GRB10: variants seen among roughly 807,000 people sequenced by gnomAD.
The protein encoded by GRB10 is growth factor receptor bound protein 10, also known as growth factor receptor-bound protein 10.
GRB10 carries 20 observed loss-of-function variants against 80.9 expected under a neutral mutation model. The ratio of observed to expected loss-of-function variants is 0.25; its 90% CI spans 0.17 to 0.36. The LOEUF is 0.36. Ranked by LOEUF, GRB10 falls within the 10% of genes least tolerant of loss-of-function variation. The pLI, the probability that GRB10 is intolerant of heterozygous loss-of-function variation, is 1.00. For missense variants in GRB10, 548 were observed against 747.7 expected, an observed-to-expected ratio of 0.73 and a Z score of 3.12; for synonymous variants, 291 against 291.5, an observed-to-expected ratio of 1.00 and a Z score of 0.02.
chr7:50,748,026 G>C (rs546714551), intron 3 of GRB10, among the ~76,000 whole-genome samples: 1 of 152,308 alleles, frequency 6.6e-6, no homozygotes, highest in South Asian at 2.1e-4. Context: ...AATTCTAGAA[G>C]GCAGGACGCA....
intron 7 of GRB10, among the ~76,000 whole-genome samples, chr7:50,661,026 T>C (rs1180872976): frequency 6.6e-6 from 1 of 151,982 alleles, no homozygotes; most frequent in Non-Finnish European, 1.5e-5. Flanking sequence ...TGCCAGCGGG[T>C]GGAAGGGGCT....
At chr7:50,791,513 G>A (rs2078913612) in intron 1 of GRB10, among the ~76,000 whole-genome samples, 1 of 152,194 alleles carries the variant, frequency 6.6e-6, no homozygotes, top group East Asian at 1.9e-4. Flanking sequence ...ATGACCTCGG[G>A]CATGCCAATT....
At chr7:50,713,895 T>G (rs939385285) in intron 4 of GRB10, among the ~76,000 whole-genome samples, 1 of 150,886 alleles carries the variant, frequency 6.6e-6, no homozygotes, top group Non-Finnish European at 1.5e-5. Context: ...CCTCCTCCAC[T>G]ACCTACCCCT....
At chr7:50,722,141 C>T (rs2153685610) in intron 4 of GRB10, among the ~76,000 whole-genome samples, 1 of 152,268 alleles carries the variant, frequency 6.6e-6, no homozygotes, top group Admixed American at 6.5e-5. Context: ...CCCAGTAGCT[C>T]CCAGCTTCCC....
chr7:50,743,629 T>C (rs867202188), intron 3 of GRB10, among the ~76,000 whole-genome samples: 59 of 152,200 alleles, frequency 3.9e-4, no homozygotes, highest in African/African-American at 1.4e-3. Flanking sequence ...TAATTTGAGA[T>C]ATGCTCTCCG....
intron 4 of GRB10, among the ~76,000 whole-genome samples, chr7:50,720,309 T>C (rs1484276771): frequency 6.6e-6 from 1 of 152,244 alleles, no homozygotes; most frequent in African/African-American, 2.4e-5. Context: ...AATGTACCAG[T>C]AGCCAGTTTC....
chr7:50,730,141 G>T (rs1170619820), intron 4 of GRB10, among the ~76,000 whole-genome samples: 1 of 152,126 alleles, frequency 6.6e-6, no homozygotes, highest in African/African-American at 2.4e-5. Context: ...ACATTCTAAA[G>T]GAAAAACTTA....
In GRB10 at chr7:50,592,955, T is replaced by C; in HGVS notation, c.1782A>G (p.Leu594=). The change falls in exon 19 of 19, where the codon TTA becomes TTG. Residue 594 remains leucine (L), a synonymous_variant. Coordinates refer to ENST00000401949, the MANE Select transcript of GRB10 (RefSeq NM_001350814.2). ...KLKHHCIRVA[L] is the part of the protein sequence containing the mutation. ...TCAGCCGAGAGGACATCTGCGGTCATAAGGCCACTCGGATGCAGTGGTGCT... is the reference window on the plus strand; with the variant it reads ...TCAGCCGAGAGGACATCTGCGGTCACAAGGCCACTCGGATGCAGTGGTGCT... 1 of 1,614,232 alleles carries C rather than the reference T, an allele frequency of 6.2e-7. No homozygotes were observed. The highest frequency in any genetic ancestry group is 8.5e-7 in the Non-Finnish European group (1 of 1,180,038).
intron 7 of GRB10, among the ~76,000 whole-genome samples, chr7:50,629,162 TC>T (rs1169459827): frequency 6.6e-6 from 1 of 152,212 alleles, no homozygotes; most frequent in East Asian, 1.9e-4. Flanking sequence ...CATGATCTTC[TC>T]TAGGAAAGTG....
chr7:50,664,615 C>G (rs1237146189), intron 7 of GRB10, among the ~76,000 whole-genome samples: 1 of 152,188 alleles, frequency 6.6e-6, no homozygotes, highest in African/African-American at 2.4e-5. Context: ...ATGGCGCTTC[C>G]TCAACTCAGA....
chr7:50,773,739 T>C (rs1276025711), intron 2 of GRB10, among the ~76,000 whole-genome samples: 1 of 152,170 alleles, frequency 6.6e-6, no homozygotes, highest in Non-Finnish European at 1.5e-5. Flanking sequence ...AAGATAGTTA[T>C]ACACCAATGT....
chr7:50,684,472 T>C (rs1353472968), intron 5 of GRB10, among the ~76,000 whole-genome samples: 1 of 152,072 alleles, frequency 6.6e-6, no homozygotes, highest in Non-Finnish European at 1.5e-5. Context: ...CATGTAAAGT[T>C]TCCTTTTCCT....
At chr7:50,605,992 G>A (rs547559163) in intron 14 of GRB10, among the ~76,000 whole-genome samples, 1 of 152,274 alleles carries the variant, frequency 6.6e-6, no homozygotes, top group South Asian at 2.1e-4. Flanking sequence ...AGTTCCCATG[G>A]GTCCCAAGGT....
chr7:50,670,035 G>T (rs2060198847), intron 6 of GRB10, among the ~76,000 whole-genome samples, 172 bp from the exon 7 acceptor site: 1 of 152,156 alleles, frequency 6.6e-6, no homozygotes, highest in Admixed American at 6.5e-5. Flanking sequence ...GCATCCCAAG[G>T]GTCTGCAGAT....
intron 7 of GRB10, among the ~76,000 whole-genome samples, chr7:50,657,977 A>T (rs2058819565): frequency 6.6e-6 from 1 of 152,194 alleles, no homozygotes; most frequent in Admixed American, 6.5e-5. Context: ...GGAAAGAAAA[A>T]CAGAAAAGAC....
intron 7 of GRB10, chr7:50,645,677 G>A: frequency 1.0e-6 from 1 of 963,338 alleles, no homozygotes; most frequent in Non-Finnish European, 1.2e-6. Flanking sequence ...CGTCGTATCA[G>A]ACCTCTTGGG....
chr7:50,607,018 C>A (rs913378827), intron 13 of GRB10: 1 of 153,942 alleles, frequency 6.5e-6, no homozygotes, highest in Non-Finnish European at 1.4e-5. Flanking sequence ...GCACTACACA[C>A]AACGAAAAAT....
intron 5 of GRB10, among the ~76,000 whole-genome samples, chr7:50,701,090 G>A (rs1295792429): frequency 1.3e-5 from 2 of 151,948 alleles, no homozygotes; most frequent in Non-Finnish European, 2.9e-5. Flanking sequence ...TTGTTTGATT[G>A]TTGTTGTGTT....
rs141185232 is a variant in GRB10 at position 50,726,678 on chromosome 7, G to A, written c.51+5594C>T. On this transcript the variant is annotated intron_variant, in intron 4 of 18. Transcript: ENST00000401949. Reference sequence around the variant, plus strand: ...CAAACACCTTACGATCAGCACACATGACACATTTAGGGACAATACATAATA... The same window carrying A: ...CAAACACCTTACGATCAGCACACATAACACATTTAGGGACAATACATAATA... Among the ~76,000 whole-genome samples the A allele has an allele frequency of 3.2e-3, 484 of 152,208 alleles. 9 individuals carry two copies. The South Asian group carries it at 0.032, about 10-fold the overall frequency.
Sources: gnomAD v4.1 joint callset for allele counts (sites outside exome capture counted in the v4.1 genomes callset) on GRCh38, gnomAD v4.1.1 for gene constraint, MANE v1.5 for transcripts, NCBI Gene and HGNC (gene_info 2026-07-23, HGNC 2026-07-21) for gene names.